OTC: variants seen among roughly 807,000 people sequenced by gnomAD.
OTC encodes the protein ornithine transcarbamylase.
In OTC, 3 loss-of-function variants were observed where a neutral mutation model predicts 30.3. The observed-to-expected ratio is 0.10, with a 90% CI of 0.05 to 0.26. The LOEUF is 0.26. Ranked by LOEUF, OTC falls within the 10% of genes least tolerant of loss-of-function variation. The pLI, the probability that OTC is intolerant of heterozygous loss-of-function variation, is 1.00. For synonymous variants in OTC, 111 were observed against 99.7 expected (o/e 1.11, Z -0.67); for missense variants, 194 against 260.3 (o/e 0.75, Z 1.75).
At chrX:38,328,849 C>T in the OTC span, among the ~76,000 whole-genome samples, 1 of 111,636 alleles carries the variant, frequency 9.0e-6, no homozygotes, top group Non-Finnish European at 1.9e-5. Context: ...GAGTACAGTT[C>T]ATTGGTGCCA....
intron 3 of OTC, 72 bp downstream of exon 3, chrX:38,369,949 C>CA: frequency 1.4e-6 from 1 of 698,113 alleles, no homozygotes; most frequent in East Asian, 3.3e-5. Flanking sequence ...AGGGGTAACC[C>CA]AGTGCGGGGA....
chrX:38,352,460 G>A (rs753068657), upstream of OTC: 1 of 378,797 alleles, frequency 2.6e-6, no homozygotes, highest in African/African-American at 2.6e-5. Flanking sequence ...AAAGAGTCAG[G>A]ATTTCTTCCA....
intron 4 of OTC, among the ~76,000 whole-genome samples, chrX:38,391,055 T>G (rs1239102971): frequency 1.8e-5 from 2 of 111,215 alleles, no homozygotes; most frequent in Non-Finnish European, 3.8e-5. Context: ...CAACCATCCT[T>G]TTCATGGAGA....
intron 1 of OTC, among the ~76,000 whole-genome samples, chrX:38,354,103 T>TA: frequency 8.9e-6 from 1 of 112,510 alleles, no homozygotes; most frequent in South Asian, 3.7e-4. Flanking sequence ...CTGTTCTGCC[T>TA]ACATTACAGG....
At chrX:38,344,895 TAAA>T in the OTC span, among the ~76,000 whole-genome samples, 1 of 95,635 alleles carries the variant, frequency 1.0e-5, no homozygotes. Context: ...ACAATTCAAG[TAAA>T]AAAAAAAAAA....
At chrX:38,394,159 A>G (rs1288376935) in intron 4 of OTC, among the ~76,000 whole-genome samples, 2 of 112,718 alleles carry the variant, frequency 1.8e-5, no homozygotes, top group South Asian at 7.3e-4. Flanking sequence ...TGTCTACCAC[A>G]TGACACTTTT....
the OTC span, among the ~76,000 whole-genome samples, chrX:38,346,989 A>G: frequency 8.9e-6 from 1 of 112,663 alleles, no homozygotes. Context: ...AAGTACATTC[A>G]TTTAACAAAA....
intron 4 of OTC, among the ~76,000 whole-genome samples, chrX:38,397,598 G>A (rs2068464001): frequency 1.8e-5 from 2 of 111,905 alleles, no homozygotes; most frequent in South Asian, 3.7e-4. Context: ...AAGAAAATAC[G>A]TCTTTTATAA....
At chrX:38,367,918 A>C (rs1490916624) in intron 2 of OTC, among the ~76,000 whole-genome samples, 1 of 110,818 alleles carries the variant, frequency 9.0e-6, no homozygotes, top group Non-Finnish European at 1.9e-5. Flanking sequence ...GAGTTTTACC[A>C]TATTGGCCAG....
At chrX:38,346,642 A>G in the OTC span, among the ~76,000 whole-genome samples, 1 of 112,793 alleles carries the variant, frequency 8.9e-6, no homozygotes, top group Non-Finnish European at 1.9e-5. Context: ...CATATTAGTG[A>G]TACACACAAC....
chrX:38,378,796 A>C (rs776890331), intron 3 of OTC, among the ~76,000 whole-genome samples: 83 of 112,227 alleles, frequency 7.4e-4, no homozygotes, highest in Non-Finnish European at 1.1e-3. Flanking sequence ...GATATGAAAA[A>C]GTTTATTACT....
chrX:38,392,505 G>A (rs934296148), intron 4 of OTC, among the ~76,000 whole-genome samples: 2 of 112,102 alleles, frequency 1.8e-5, no homozygotes, highest in African/African-American at 6.5e-5. Flanking sequence ...TTACAGGGTT[G>A]TCATTGTTTC....
At chrX:38,332,895 A>G in the OTC span, among the ~76,000 whole-genome samples, 1 of 111,484 alleles carries the variant, frequency 9.0e-6, no homozygotes, top group Non-Finnish European at 1.9e-5. Context: ...TGGTTGCTGT[A>G]GCAGGGCAAG....
At chrX:38,365,424 A>AGGT (rs2068290848) in intron 1 of OTC, among the ~76,000 whole-genome samples, 1 of 112,837 alleles carries the variant, frequency 8.9e-6, no homozygotes, top group Non-Finnish European at 1.9e-5. Flanking sequence ...CAGGCCCAGT[A>AGGT]GGTACTGATT....
the OTC span, among the ~76,000 whole-genome samples, chrX:38,333,304 AGT>A: frequency 1.8e-5 from 2 of 110,152 alleles, no homozygotes; most frequent in Non-Finnish European, 3.8e-5. Flanking sequence ...GGCTGGATTT[AGT>A]GTCATGTGCC....
upstream of OTC, among the ~76,000 whole-genome samples, chrX:38,348,685 C>T (rs763259638): frequency 9.2e-6 from 1 of 109,184 alleles, no homozygotes. Flanking sequence ...TACAGGCACC[C>T]GCCACCACAC....
the OTC span, among the ~76,000 whole-genome samples, chrX:38,340,471 T>TG: frequency 0.012 from 976 of 81,469 alleles, 16 homozygotes; most frequent in African/African-American, 0.043. Context: ...TTTTTTTTTT[T>TG]TGTTTTTTTT....
chrX:38,403,054 C>T (rs1313498791), intron 5 of OTC, among the ~76,000 whole-genome samples: 4 of 111,295 alleles, frequency 3.6e-5, no homozygotes, highest in Non-Finnish European at 5.6e-5. Flanking sequence ...TCAGGTGATC[C>T]GCCCACCTTG....
chrX:38,329,333 A>G, the OTC span, among the ~76,000 whole-genome samples: 1 of 111,501 alleles, frequency 9.0e-6, no homozygotes, highest in Non-Finnish European at 1.9e-5. Flanking sequence ...TGAGCAGGTA[A>G]TTGGTGAGCA....
Sources: gnomAD v4.1 joint callset for allele counts (sites outside exome capture counted in the v4.1 genomes callset) on GRCh38, gnomAD v4.1.1 for gene constraint, MANE v1.5 for transcripts, NCBI Gene and HGNC (gene_info 2026-07-23, HGNC 2026-07-21) for gene names.